FOXJ3: variants seen among roughly 807,000 people sequenced by gnomAD.
FOXJ3 encodes forkhead box protein J3.
FOXJ3 carries 22 observed loss-of-function variants against 76.1 expected under a neutral mutation model. The observed-to-expected ratio is 0.29, with a 90% CI of 0.21 to 0.41. The LOEUF (loss-of-function observed/expected upper bound fraction) is 0.41, where lower values mean the gene tolerates loss of function less well. FOXJ3 is among the 10% of genes least tolerant of loss of function. The pLI is 1.00. For synonymous variants in FOXJ3, 269 were observed against 261.2 expected, an observed-to-expected ratio of 1.03 and a Z score of -0.29; for missense variants, 613 against 762.1, an observed-to-expected ratio of 0.80 and a Z score of 2.30.
intron 2 of FOXJ3, among the ~76,000 whole-genome samples, chr1:42,295,993 C>T (rs1163098667): frequency 2.0e-5 from 3 of 152,218 alleles, no homozygotes; most frequent in Non-Finnish European, 4.4e-5. Flanking sequence ...GCCTTTTCTC[C>T]ACAACCACAC....
In FOXJ3 at chr1:42,328,638, G is replaced by A. The variant is rs552766666; in HGVS notation, c.-18+6421C>T. Among the ~76,000 whole-genome samples the A allele has an allele frequency of 4.6e-5, 7 of 150,892 alleles. 1 individual carries two copies. In the South Asian group the frequency reaches 1.5e-3, roughly 32 times the overall value. ...AAGGTCAGAGCTCTTATTTAATATG[G>A]TCCTAATTATCTCATATCACATATT... is the stretch of plus-strand genomic sequence containing the variant. On this transcript the variant is annotated intron_variant, in intron 1 of 12. Coordinates refer to ENST00000361346, the MANE Select transcript of FOXJ3 (RefSeq NM_014947.5).
At chr1:42,199,260 A>C (rs1646712603) in intron 6 of FOXJ3, 30 bp from the exon 7 acceptor site, 1 of 1,591,494 alleles carries the variant, frequency 6.3e-7, no homozygotes, top group Non-Finnish European at 8.6e-7. Context: ...ATGACAATTG[A>C]ATATAAGGGT....
In FOXJ3 at chr1:42,255,914, C is replaced by T. The variant is rs190417662; in HGVS notation, c.444+9201G>A. Among the ~76,000 whole-genome samples, 727 of 152,178 alleles carry T rather than the reference C, an allele frequency of 4.8e-3. 8 individuals carry two copies. The highest frequency in any genetic ancestry group is 0.017 in the African/African-American group (686 of 41,514). On this transcript the variant is annotated intron_variant, in intron 4 of 12. Coordinates refer to ENST00000361346, the MANE Select transcript of FOXJ3 (RefSeq NM_014947.5). ...GCACATGCCTGTAGTCCCAGCTACT[C>T]GGGAGGCTGAGGCAGAAGAATCGCT...
chr1:42,266,827 G>A (rs1052457698), intron 3 of FOXJ3, among the ~76,000 whole-genome samples: 4 of 152,120 alleles, frequency 2.6e-5, no homozygotes, highest in Non-Finnish European at 4.4e-5. Flanking sequence ...AGCAAAACCT[G>A]TCACCCATAG....
At chr1:42,308,075 C>A (rs1490235644) in intron 2 of FOXJ3, among the ~76,000 whole-genome samples, 1 of 152,188 alleles carries the variant, frequency 6.6e-6, no homozygotes, top group Non-Finnish European at 1.5e-5. Flanking sequence ...CACTTATACA[C>A]AAATTGTCCA....
rs59651789 is a variant in FOXJ3 at position 42,220,557 on chromosome 1, G to T, written c.528+7326C>A. On this transcript the variant is annotated intron_variant, in intron 5 of 12. Transcript: ENST00000361346. ...CCTCGAGGGCTTTTTTTCTGATTGGGAAGCATGCTTTGGCTTCATGCAGGG... is the reference window on the plus strand; with the variant it reads ...CCTCGAGGGCTTTTTTTCTGATTGGTAAGCATGCTTTGGCTTCATGCAGGG... 9.0e-4 allele frequency among the ~76,000 whole-genome samples: 137 copies of T among 152,044 alleles called. 1 individual carries two copies. The highest frequency in any genetic ancestry group is 3.0e-3 in the African/African-American group (126 of 41,442).
chr1:42,179,918 C>A, intron 12 of FOXJ3, 93 bp from the exon 13 acceptor site: 1 of 763,812 alleles, frequency 1.3e-6, no homozygotes. Context: ...ATATGCCAGG[C>A]ACACATTATC....
chr1:42,230,536 AT>A (rs1374335791), intron 4 of FOXJ3, among the ~76,000 whole-genome samples: 4 of 152,168 alleles, frequency 2.6e-5, no homozygotes, highest in Non-Finnish European at 5.9e-5. Flanking sequence ...TTTGAAGGTA[AT>A]TTTTTGTAAT....
rs540393544 is a variant in FOXJ3, at chr1:42,206,899, C to T, written c.529-1036G>A. 1.1e-4 allele frequency among the ~76,000 whole-genome samples: 16 copies of T among 152,152 alleles called. No individual in the cohort carries two copies. In the East Asian group the frequency reaches 2.5e-3, roughly 24 times the overall value. On this transcript the variant is annotated intron_variant, in intron 5 of 12. Coordinates refer to ENST00000361346, the MANE Select transcript of FOXJ3 (RefSeq NM_014947.5). ...AGGCTGTAGTGCAGTGGTGCAATCTCGGCTCACTGCAACCTTCACCTCCCA... is the reference window on the plus strand; with the variant it reads ...AGGCTGTAGTGCAGTGGTGCAATCTTGGCTCACTGCAACCTTCACCTCCCA...
At chr1:42,254,157 T>C (rs2124584007) in intron 4 of FOXJ3, among the ~76,000 whole-genome samples, 1 of 152,134 alleles carries the variant, frequency 6.6e-6, no homozygotes. Context: ...GGGCGAAGGA[T>C]ATGAACAGAC....
At chr1:42,280,027 G>C (rs1363043995) in intron 2 of FOXJ3, among the ~76,000 whole-genome samples, 1 of 152,020 alleles carries the variant, frequency 6.6e-6, no homozygotes, top group East Asian at 1.9e-4. Context: ...GATTCTAACA[G>C]TTATAAGCTG....
chr1:42,254,278 C>A (rs1380840569), intron 4 of FOXJ3, among the ~76,000 whole-genome samples: 2 of 148,460 alleles, frequency 1.3e-5, no homozygotes, highest in Non-Finnish European at 3.0e-5. Flanking sequence ...CCATCTCACA[C>A]CAGTTAGAAT....
intron 2 of FOXJ3, among the ~76,000 whole-genome samples, chr1:42,280,893 G>A (rs1044756384): frequency 6.6e-6 from 1 of 152,158 alleles, no homozygotes; most frequent in Non-Finnish European, 1.5e-5. Context: ...ATTCAATAAA[G>A]ATTGGCTATT....
chr1:42,278,914 G>C (rs1046495471), intron 2 of FOXJ3, among the ~76,000 whole-genome samples: 1 of 152,008 alleles, frequency 6.6e-6, no homozygotes, highest in African/African-American at 2.4e-5. Flanking sequence ...TTAAAATACA[G>C]AATATAGACA....
In FOXJ3 at chr1:42,202,996, C is replaced by T. The variant is rs147104017; in HGVS notation, c.630+2766G>A. Among the ~76,000 whole-genome samples the T allele has an allele frequency of 1.1e-4, 16 of 152,296 alleles. 1 individual carries two copies. The highest frequency in any genetic ancestry group is 3.6e-4 in the African/African-American group (15 of 41,554). The stretch of plus-strand genomic sequence containing the variant: ...AAAACAACCTTGTGTGACCTTTTCC[C>T]CATGTCCCATTTACCTCTTAAGTTT... On this transcript the variant is annotated intron_variant, in intron 6 of 12. Coordinates refer to ENST00000361346, the MANE Select transcript of FOXJ3 (RefSeq NM_014947.5).
chr1:42,200,005 C>CAAAAAAA (rs11355641), intron 6 of FOXJ3, among the ~76,000 whole-genome samples: 4 of 76,072 alleles, frequency 5.3e-5, no homozygotes, highest in Non-Finnish European at 7.0e-5. Context: ...GACTCTGTCT[C>CAAAAAAA]AAAAAAAAAA....
Position 42,335,106 on chromosome 1 carries a change from C to T in FOXJ3, c.-65G>A. 1 of 152,318 alleles carries T rather than the reference C, an allele frequency of 6.6e-6. No homozygotes were observed. Among genetic ancestry groups the T allele is most frequent in the Non-Finnish European group, 1.5e-5 (1 of 68,122 alleles). 9.4% of individuals were successfully genotyped at this position (152,318 alleles called of 1,614,324 possible). On this transcript the variant is annotated 5_prime_UTR_variant, in exon 1 of 13. Coordinates refer to ENST00000361346, the MANE Select transcript of FOXJ3 (RefSeq NM_014947.5). ...GGCCCGGCCGAGCCCCCGGCCGCTC[C>T]GTGCGTCTCCGCCCCCCCGGGAAAG...
chr1:42,226,993 T>C (rs964075019), intron 5 of FOXJ3, among the ~76,000 whole-genome samples: 2 of 152,362 alleles, frequency 1.3e-5, no homozygotes, highest in Admixed American at 6.5e-5. Context: ...TTTACTAGTA[T>C]CTATTATAAG....
chr1:42,222,635 C>T (rs1351770085), intron 5 of FOXJ3, among the ~76,000 whole-genome samples: 2 of 152,124 alleles, frequency 1.3e-5, no homozygotes, highest in East Asian at 3.8e-4. Flanking sequence ...CTTATCCAGA[C>T]AAAATTAACT....
Sources: gnomAD v4.1 joint callset for allele counts (sites outside exome capture counted in the v4.1 genomes callset) on GRCh38, gnomAD v4.1.1 for gene constraint, MANE v1.5 for transcripts, NCBI Gene and HGNC (gene_info 2026-07-23, HGNC 2026-07-21) for gene names.